Variants in CLTRN observed in about 807,000 individuals in gnomAD.
The protein encoded by CLTRN is collectrin, amino acid transport regulator.
In CLTRN, 12 loss-of-function variants were observed where a neutral mutation model predicts 14.5. The observed-to-expected ratio is 0.83, with a 90% CI of 0.53 to 1.34. The LOEUF is 1.34. Ranked by LOEUF, CLTRN falls within the 40% of genes most tolerant of loss-of-function variation. The pLI, the probability that CLTRN is intolerant of heterozygous loss-of-function variation, is 0.00. For synonymous variants in CLTRN, 58 were observed against 56.5 expected (o/e 1.03, Z -0.12); for missense variants, 154 against 165.1 (o/e 0.93, Z 0.37).
At chrX:15,675,071 A>G (rs55922931), upstream of CLTRN, 1,128 of 113,142 alleles carry the variant, frequency 1.0e-2, 7 homozygotes, top group Non-Finnish European at 0.017. Flanking sequence ...CCCGCCAGTG[A>G]GGAGCGCAGG....
intron 2 of CLTRN, among the ~76,000 whole-genome samples, chrX:15,662,176 C>CT (rs752308258): frequency 7.3e-4 from 75 of 103,254 alleles, no homozygotes; most frequent in South Asian, 6.9e-3. Context: ...ATGGTCAATG[C>CT]TTTTTTTTTT....
intron 5 of CLTRN, among the ~76,000 whole-genome samples, chrX:15,638,363 T>A (rs1928864444): frequency 8.9e-6 from 1 of 112,251 alleles, no homozygotes; most frequent in Non-Finnish European, 1.9e-5. Context: ...TTACTTATCA[T>A]TTGTGAATAA....
rs1569251132 is a variant in CLTRN at position 15,644,992 on chromosome X, C to A, written c.241G>T (p.Val81Leu). 1 of 1,203,960 alleles carries A rather than the reference C, an allele frequency of 8.3e-7. No individual in the cohort carries two copies. Among genetic ancestry groups the A allele is most frequent in the Non-Finnish European group, 1.1e-6 (1 of 892,084 alleles). ...TCTGTAACCACAAACCAGAATGATA[C>A]CCTCTGGGTTACATTGCAAAGTAGG... ...HVLLCNVTQR[V>L]SFWFVVTDPS... The change falls in exon 4 of 6, where the codon GTA becomes TTA. Residue 81 changes from valine (V) to leucine (L), a missense_variant. Transcript: ENST00000380342.
rs747600717 is a variant in CLTRN, at chrX:15,628,026, C to T, written c.614G>A (p.Gly205Glu). 4 of 1,139,255 alleles carry T rather than the reference C, an allele frequency of 3.5e-6. No individual in the cohort carries two copies. The African/African-American group carries it at 5.5e-5, about 16-fold the overall frequency. The allele number at this position is 1,139,255 out of a possible 1,213,427, so 93.9% of individuals were successfully genotyped here. ...CATGAAGGCATCATTAATATGCCCT[C>T]CCTTCATGTCCAGGGGATCAGAGGG... ...GIPSDPLDMK[G>E]GHINDAFMTE... Residue 205 changes from glycine (G) to glutamate (E), a missense_variant, in exon 6 of 6, where the codon GGA (glycine) becomes GAA (glutamate). By Grantham distance (98) the Gly-to-Glu change is moderately conservative. Coordinates refer to ENST00000380342, the MANE Select transcript of CLTRN (RefSeq NM_020665.6).
chrX:15,653,556 C>T (rs1360168379), intron 3 of CLTRN, among the ~76,000 whole-genome samples: 1 of 110,974 alleles, frequency 9.0e-6, no homozygotes, highest in East Asian at 2.8e-4. Flanking sequence ...CATTGTCAGC[C>T]TCCTGTTTCC....
chrX:15,644,354 C>T lies in CLTRN; in HGVS notation c.317+562G>A, dbSNP rs778390741. Among the ~76,000 whole-genome samples the T allele has an allele frequency of 2.0e-4, 22 of 111,226 alleles. No homozygotes were observed. In the South Asian group the frequency reaches 5.7e-3, roughly 29 times the overall value. Reference sequence around the variant, plus strand: ...TAGTGGAACATAATTGGTTACTGCCCGAAAAATAGACTGATGCATCCTTCT... The same window carrying T: ...TAGTGGAACATAATTGGTTACTGCCTGAAAAATAGACTGATGCATCCTTCT... On this transcript the variant is annotated intron_variant, in intron 4 of 5. Coordinates refer to ENST00000380342, the MANE Select transcript of CLTRN (RefSeq NM_020665.6).
At chrX:15,644,816 T>A in intron 4 of CLTRN, 100 bp downstream of exon 4, 1 of 495,967 alleles carries the variant, frequency 2.0e-6, no homozygotes, top group African/African-American at 2.4e-5. Context: ...AAATAATTCA[T>A]GTATGAAACA....
chrX:15,649,312 C>CA (rs1241920687), intron 3 of CLTRN, among the ~76,000 whole-genome samples: 1 of 111,974 alleles, frequency 8.9e-6, no homozygotes, highest in Non-Finnish European at 1.9e-5. Context: ...CAATGGGTGG[C>CA]AACTCATACT....
At chrX:15,646,987 C>A in intron 3 of CLTRN, 1 of 255,378 alleles carries the variant, frequency 3.9e-6, no homozygotes, top group Admixed American at 5.2e-5. Flanking sequence ...TCCTTCCTGG[C>A]GGCCGCCTGC....
chrX:15,645,627 C>A (rs1371091571), intron 3 of CLTRN, among the ~76,000 whole-genome samples: 1 of 112,273 alleles, frequency 8.9e-6, no homozygotes, highest in African/African-American at 3.2e-5. Flanking sequence ...AATCAATTCA[C>A]CAGCAGTCTT....
At chrX:15,672,644 T>G (rs778090508) in intron 1 of CLTRN, among the ~76,000 whole-genome samples, 1 of 111,665 alleles carries the variant, frequency 9.0e-6, no homozygotes, top group Non-Finnish European at 1.9e-5. Flanking sequence ...CCCTGAACCC[T>G]CTACTGTCTG....
At chrX:15,646,458 A>AACCACCCCCCCCCC in intron 3 of CLTRN, 1 of 228,796 alleles carries the variant, frequency 4.4e-6, no homozygotes, top group East Asian at 1.6e-4. Flanking sequence ...AAAACCGCGC[A>AACCACCCCCCCCCC]CCCACCCCCC....
intron 5 of CLTRN, among the ~76,000 whole-genome samples, chrX:15,635,240 C>T (rs914199579): frequency 9.0e-6 from 1 of 111,482 alleles, no homozygotes; most frequent in Non-Finnish European, 1.9e-5. Context: ...GGGAAACTGG[C>T]AAATGCTACA....
chrX:15,673,074 C>G (rs2147219711), intron 1 of CLTRN, among the ~76,000 whole-genome samples: 1 of 112,401 alleles, frequency 8.9e-6, no homozygotes, highest in South Asian at 3.6e-4. Flanking sequence ...GGTGTAACAA[C>G]TTATGACACT....
upstream of CLTRN, among the ~76,000 whole-genome samples, chrX:15,667,727 T>G (rs1225981861): frequency 1.8e-5 from 2 of 111,837 alleles, no homozygotes; most frequent in Non-Finnish European, 3.8e-5. Flanking sequence ...TTTGTTGTTT[T>G]TTTTTAATAG....
chrX:15,638,699 T>C (rs757094038), intron 5 of CLTRN, among the ~76,000 whole-genome samples: 1 of 111,908 alleles, frequency 8.9e-6, no homozygotes, highest in South Asian at 3.8e-4. Context: ...AAAATCATGC[T>C]GAGAAATCCT....
intron 1 of CLTRN, among the ~76,000 whole-genome samples, chrX:15,670,308 AACACACACACACACACAC>A (rs753295306): frequency 8.1e-5 from 7 of 86,298 alleles, no homozygotes; most frequent in East Asian, 4.2e-4. Context: ...CCAAAAACAA[AACACACACACACACACAC>A]ACACACACAC....
intron 2 of CLTRN, 136 bp downstream of exon 2, chrX:15,664,201 T>C (rs1929570411): frequency 2.3e-6 from 1 of 442,446 alleles, no homozygotes; most frequent in African/African-American, 2.4e-5. Flanking sequence ...AATCTATCTT[T>C]AAGAAATCAG....
intron 5 of CLTRN, among the ~76,000 whole-genome samples, chrX:15,630,363 A>AGAAAGAAG (rs1335378576): frequency 1.2e-3 from 64 of 54,661 alleles, no homozygotes; most frequent in East Asian, 6.4e-3. Flanking sequence ...ACCACAAGAA[A>AGAAAGAAG]GAAGGAAGGA....
Sources: gnomAD v4.1 joint callset for allele counts (sites outside exome capture counted in the v4.1 genomes callset) on GRCh38, gnomAD v4.1.1 for gene constraint, MANE v1.5 for transcripts, NCBI Gene and HGNC (gene_info 2026-07-23, HGNC 2026-07-21) for gene names.